Variants in HEATR4 observed in about 807,000 individuals in gnomAD.
HEATR4 encodes the protein HEAT repeat-containing protein 4.
Under a neutral mutation model 108.8 loss-of-function variants are expected in HEATR4, and 95 were observed. That is an observed-to-expected ratio of 0.87 (90% CI 0.74 to 1.04). The LOEUF is 1.04. Among genes scored for constraint, HEATR4 ranks in the 50% least tolerant of loss-of-function variants. The pLI is 0.00. For synonymous variants in HEATR4, 443 were observed against 459.4 expected (o/e 0.96, Z 0.46); for missense variants, 1,152 against 1,253.8 (o/e 0.92, Z 1.23).
At position 73,532,829 on chromosome 14, in the gene HEATR4, A is replaced by G. The variant is rs1202109786; in HGVS notation, c.-151-2585T>C. Among the ~76,000 whole-genome samples, 3 of 112,784 alleles carry G rather than the reference A, an allele frequency of 2.7e-5. 1 individual carries two copies. The highest frequency in any genetic ancestry group is 5.8e-5 in the Non-Finnish European group (3 of 51,962). The allele number at this position is 112,784 out of a possible 152,430, so 74.0% of individuals were successfully genotyped here. Reference sequence around the variant, plus strand: ...AAATTAGCCGGGTGTGGTGGTGGGCACCTGTAGTCCCAGCTACTTGGAGGC... The same window carrying G: ...AAATTAGCCGGGTGTGGTGGTGGGCGCCTGTAGTCCCAGCTACTTGGAGGC... On this transcript the variant is annotated intron_variant, in intron 1 of 17. Transcript: ENST00000553558.
the HEATR4 span, chr14:73,592,532 A>C: frequency 8.0e-7 from 1 of 1,257,252 alleles, no homozygotes; most frequent in Non-Finnish European, 1.1e-6. Context: ...GCTAACATTG[A>C]CTATGTCAGT....
At chr14:73,576,816 A>AAAAAAAAAAG in the HEATR4 span, among the ~76,000 whole-genome samples, 226 of 58,150 alleles carry the variant, frequency 3.9e-3, 55 homozygotes, top group East Asian at 6.9e-3. Flanking sequence ...AAAAAAAAAA[A>AAAAAAAAAAG]AAAAGACAAT....
intron 6 of HEATR4, among the ~76,000 whole-genome samples, chr14:73,512,443 A>G (rs572236499): frequency 6.6e-6 from 1 of 152,214 alleles, no homozygotes; most frequent in Non-Finnish European, 1.5e-5. Context: ...ACAATAAAAC[A>G]AAGTAGTTAA....
the HEATR4 span, chr14:73,591,858 GCA>G: frequency 1.7e-6 from 2 of 1,185,744 alleles, no homozygotes; most frequent in Non-Finnish European, 2.2e-6. Context: ...GCAGCTTCCG[GCA>G]CCAGGGGACG....
chr14:73,569,502 C>G, the HEATR4 span: 172 of 1,610,974 alleles, frequency 1.1e-4, 2 homozygotes, highest in African/African-American at 2.2e-3. Context: ...CGTGCGCGGC[C>G]TAGCCCCGGA....
chr14:73,615,404 A>C, the HEATR4 span, among the ~76,000 whole-genome samples: 10 of 79,398 alleles, frequency 1.3e-4, no homozygotes, highest in African/African-American at 2.2e-4. Flanking sequence ...AAAAAAAAAA[A>C]AAACAAAAAA....
At position 73,478,517 on chromosome 14, in the gene HEATR4, GACA is replaced by G. The variant is rs1885103073; in HGVS notation, c.*86_*88del. 4 of 813,980 alleles carry G rather than the reference GACA, an allele frequency of 4.9e-6. No individual in the cohort carries two copies. Among genetic ancestry groups the G allele is most frequent in the South Asian group, 1.7e-5 (1 of 60,304 alleles). 50.4% of individuals were successfully genotyped at this position (813,980 alleles called of 1,614,324 possible). ...AATAATTTCTCTTTATAAACATAGTGACAACAAGATTGTACAGTATCAATTAAA... is the reference window on the plus strand; with the variant it reads ...AATAATTTCTCTTTATAAACATAGTGACAAGATTGTACAGTATCAATTAAA... On this transcript the variant is annotated 3_prime_UTR_variant, in exon 18 of 18. Transcript: ENST00000553558.
rs1886404112 is a variant in HEATR4, at chr14:73,500,716, T to A, written c.2120A>T (p.Gln707Leu). 3 of 1,613,644 alleles carry A rather than the reference T, an allele frequency of 1.9e-6. No individual in the cohort carries two copies. In the East Asian group the frequency reaches 6.7e-5, roughly 36 times the overall value. Residue 707 changes from glutamine to leucine, a missense_variant, in exon 12 of 18, where the codon CAA (glutamine) becomes CTA (leucine). Transcript: ENST00000553558. ...TTCCACACGCTCCTGGGAATTTCCTTGACCTAGCTTGACCCTGTAAGGCAC... is the reference window on the plus strand; with the variant it reads ...TTCCACACGCTCCTGGGAATTTCCTAGACCTAGCTTGACCCTGTAAGGCAC... ...VHDIIRVKLG[Q>L]GNSQERVEAL...
chr14:73,486,023 T>C (rs1449458689), intron 17 of HEATR4, among the ~76,000 whole-genome samples: 1 of 152,178 alleles, frequency 6.6e-6, no homozygotes, highest in African/African-American at 2.4e-5. Flanking sequence ...CAGTGAATAT[T>C]TTTTAAGGAT....
chr14:73,526,376 T>C (rs1888336946), intron 2 of HEATR4, among the ~76,000 whole-genome samples: 1 of 152,168 alleles, frequency 6.6e-6, no homozygotes, highest in Non-Finnish European at 1.5e-5. Context: ...ACAAGGACTA[T>C]ATTCCTTAGG....
the HEATR4 span, among the ~76,000 whole-genome samples, chr14:73,607,781 G>A: frequency 9.2e-4 from 139 of 151,444 alleles, no homozygotes; most frequent in South Asian, 3.1e-3. Context: ...GCACCACCAC[G>A]CCTGGCTAAT....
the HEATR4 span, among the ~76,000 whole-genome samples, chr14:73,625,161 C>T: frequency 2.0e-5 from 3 of 151,860 alleles, no homozygotes; most frequent in East Asian, 1.9e-4. Flanking sequence ...TGGATTCAAG[C>T]GATTCTCCTG....
At chr14:73,575,334 G>C in the HEATR4 span, 2 of 911,832 alleles carry the variant, frequency 2.2e-6, no homozygotes, top group African/African-American at 4.6e-5. Flanking sequence ...GCACTATATT[G>C]AGCCTCCTTA....
chr14:73,498,871 T>C (rs59763915), intron 13 of HEATR4, among the ~76,000 whole-genome samples, 200 bp downstream of exon 13: 7 of 152,212 alleles, frequency 4.6e-5, no homozygotes, highest in Non-Finnish European at 8.8e-5. Flanking sequence ...AACTTAAGTT[T>C]GACATATACC....
chr14:73,556,294 A>G (rs7141206), intron 1 of HEATR4, among the ~76,000 whole-genome samples: 75,739 of 108,004 alleles, frequency 0.7, 34,021 homozygotes, highest in African/African-American at 0.94. Flanking sequence ...GCATGGTGGC[A>G]GGCACCCGTA....
intron 17 of HEATR4, among the ~76,000 whole-genome samples, chr14:73,486,589 T>C (rs1434048716): frequency 6.6e-6 from 1 of 152,034 alleles, no homozygotes; most frequent in Non-Finnish European, 1.5e-5. Flanking sequence ...TCCCAGCTAC[T>C]TGGGAGGTGG....
At chr14:73,583,947 G>C in the HEATR4 span, among the ~76,000 whole-genome samples, 3 of 152,046 alleles carry the variant, frequency 2.0e-5, no homozygotes, top group South Asian at 6.2e-4. Flanking sequence ...GTTGCAGTGA[G>C]CTGAGACCAC....
chr14:73,567,457 C>T, the HEATR4 span, among the ~76,000 whole-genome samples: 7 of 152,054 alleles, frequency 4.6e-5, no homozygotes, highest in African/African-American at 1.7e-4. Context: ...TGTAAACGCA[C>T]CAATCAGCAC....
the HEATR4 span, chr14:73,567,955 C>T: frequency 6.6e-6 from 1 of 152,128 alleles, no homozygotes; most frequent in Non-Finnish European, 1.5e-5. Flanking sequence ...AGACACACTA[C>T]TTTTCAGAAC....
Sources: allele counts gnomAD v4.1 joint callset (sites outside exome capture counted in the v4.1 genomes callset), GRCh38; gene constraint gnomAD v4.1.1; transcripts MANE v1.5; gene names NCBI Gene and HGNC (gene_info 2026-07-23, HGNC 2026-07-21).